Variants in PMEL observed in about 807,000 individuals in gnomAD.
PMEL encodes premelanosome protein, also known as melanocyte protein PMEL.
In PMEL, 53 loss-of-function variants were observed where a neutral mutation model predicts 64.9. That is an observed-to-expected ratio of 0.82 (90% CI 0.66 to 1.03). The LOEUF is 1.03. PMEL is among the 50% of genes least tolerant of loss of function. The pLI is 0.00. For missense variants in PMEL, 716 were observed against 814.9 expected (o/e 0.88, Z 1.48); for synonymous variants, 299 against 316.2 (o/e 0.95, Z 0.58).
Position 55,954,131 on chromosome 12 carries a change from A to G in PMEL, c.*83T>C, listed in dbSNP as rs1225905120. The G allele has an allele frequency of 7.6e-7, 1 of 1,309,242 alleles. No homozygotes were observed. Among genetic ancestry groups the G allele is most frequent in the Non-Finnish European group, 1.1e-6 (1 of 944,374 alleles). The allele number at this position is 1,309,242 out of a possible 1,614,324, so 81.1% of individuals were successfully genotyped here. A position where few individuals can be genotyped will look rare whatever the true frequency, so the allele number is the denominator to read the frequency against. On this transcript the variant is annotated 3_prime_UTR_variant, in exon 11 of 11. Coordinates refer to ENST00000548747, the MANE Select transcript of PMEL (RefSeq NM_001384361.1). ...CAGGCTCTGAGTATTTATTTCAGTT[A>G]ATAGTAGTCTCCCAGGGAAGACTGG...
In PMEL at chr12:55,955,611, G is replaced by A. The variant is rs146965707; in HGVS notation, c.1615C>T (p.Arg539Trp). 3.3e-5 allele frequency: 53 copies of A among 1,613,676 alleles called. No individual in the cohort carries two copies. In the African/African-American group the frequency reaches 3.9e-4, roughly 12 times the overall value. Residue 539 changes from arginine to tryptophan, a missense_variant, in exon 9 of 11, where the codon CGG becomes TGG. Transcript: ENST00000548747. ...SSPGCQPPAQRLCQPVLPSPA... is the reference protein window; with the variant it reads ...SSPGCQPPAQWLCQPVLPSPA... ...CTGGGTAGCACAGGCTGGCACAGCC[G>A]CTGGGCAGGGGGCTGGCACCCTGGC... is the stretch of plus-strand genomic sequence containing the variant.
intron 1 of PMEL, among the ~76,000 whole-genome samples, chr12:55,963,134 G>A (rs1187888116): frequency 6.6e-6 from 1 of 151,480 alleles, no homozygotes; most frequent in Admixed American, 6.6e-5. Context: ...TCCAGCCTGG[G>A]CTACAGAGCA....
At chr12:55,960,433 T>C (rs2136444392) in intron 3 of PMEL, among the ~76,000 whole-genome samples, 1 of 151,644 alleles carries the variant, frequency 6.6e-6, no homozygotes, top group Admixed American at 6.6e-5. Flanking sequence ...TGAAGTACAG[T>C]GGCGTGATCA....
At chr12:55,966,462 T>A (rs1889306281), upstream of PMEL, 1 of 194,112 alleles carries the variant, frequency 5.2e-6, no homozygotes, top group Non-Finnish European at 1.0e-5. Context: ...CCCGGCTTCC[T>A]GGTTTCCAAA....
Position 55,965,789 on chromosome 12 carries a change from A to G in PMEL, c.76+147T>C, listed in dbSNP as rs1413300787. The G allele has an allele frequency of 1.6e-5, 14 of 898,268 alleles. No homozygotes were observed. In the East Asian group the frequency reaches 3.4e-4, roughly 22 times the overall value. 55.6% of individuals were successfully genotyped at this position (898,268 alleles called of 1,614,324 possible). ...ATCCCAAATCTCCATGTAGGGAGGG[A>G]GCCCAGGTGCCCACATCCTCACTAA... On this transcript the variant is annotated intron_variant, in intron 1 of 10. Coordinates refer to ENST00000548747, the MANE Select transcript of PMEL (RefSeq NM_001384361.1).
In PMEL at chr12:55,962,936, G is replaced by A. The variant is rs190785535; in HGVS notation, c.77-1204C>T. Among the ~76,000 whole-genome samples, 1,341 of 152,108 alleles carry A rather than the reference G, an allele frequency of 8.8e-3. 38 individuals carry two copies. Among genetic ancestry groups the A allele is most frequent in the Admixed American group, 0.057 (867 of 15,290 alleles). ...CCAGCACTTTGAGAGGCCGAGGCAGGTGGATCACAAGGTCAGGAGTTCGAG... is the reference window on the plus strand; with the variant it reads ...CCAGCACTTTGAGAGGCCGAGGCAGATGGATCACAAGGTCAGGAGTTCGAG... On this transcript the variant is annotated intron_variant, in intron 1 of 10. Transcript: ENST00000548747.
chr12:55,957,192 T>G lies in PMEL; in HGVS notation c.1111A>C (p.Ser371Arg). ...ACCTTCTCAGGTGTCATACCTGTGC[T>G]CTCTGCAGTTGGCATCTGCACAGGT... is the stretch of plus-strand genomic sequence containing the variant. ...TAPVQMPTAESTGMTPEKVPV... is the reference protein window; with the variant it reads ...TAPVQMPTAERTGMTPEKVPV... The change falls in exon 6 of 11, where the codon AGC becomes CGC. Residue 371 changes from serine to arginine, a missense_variant. By Grantham distance (110) the Ser-to-Arg change is moderately radical. Transcript: ENST00000548747. The G allele has an allele frequency of 1.9e-6, 3 of 1,614,210 alleles. No individual in the cohort carries two copies. Among genetic ancestry groups the G allele is most frequent in the Non-Finnish European group, 2.5e-6 (3 of 1,180,032 alleles).
intron 1 of PMEL, among the ~76,000 whole-genome samples, chr12:55,962,900 C>T (rs1889160182): frequency 6.6e-6 from 1 of 151,544 alleles, no homozygotes; most frequent in Non-Finnish European, 1.5e-5. Flanking sequence ...TGGTGGCTCA[C>T]ATCTGTAATC....
chr12:55,958,425 A>G lies in PMEL; in HGVS notation c.469+48T>C, dbSNP rs765723180. The G allele has an allele frequency of 3.2e-6, 5 of 1,579,296 alleles. No homozygotes were observed. In the Admixed American group the frequency reaches 7.3e-5, roughly 23 times the overall value. ...CCAAAAGAAAGGTGATCAGGTAGAAAGAAGTAAACACAAGTGTGGATGATA... is the reference window on the plus strand; with the variant it reads ...CCAAAAGAAAGGTGATCAGGTAGAAGGAAGTAAACACAAGTGTGGATGATA... On this transcript the variant is annotated intron_variant, in intron 4 of 10. Coordinates refer to ENST00000548747, the MANE Select transcript of PMEL (RefSeq NM_001384361.1).
chr12:55,955,272 A>G lies in PMEL; in HGVS notation c.1850+2T>C, dbSNP rs1397318399. ...GTCTGAGCTGTGTGATGAGGCCCTT[A>G]CCTATATATCAGAGATGCAAGGACC... On this transcript the variant is annotated splice_donor_variant, in intron 10 of 10. Transcript: ENST00000548747. LOFTEE classifies it high-confidence loss of function. 6.3e-7 allele frequency: 1 copy of G among 1,597,174 alleles called. No individual in the cohort carries two copies. The highest frequency in any genetic ancestry group is 8.6e-7 in the Non-Finnish European group (1 of 1,164,632).
rs1592768510 is a variant in PMEL at position 55,958,007 on chromosome 12, T to C, written c.547A>G (p.Thr183Ala). The C allele has an allele frequency of 4.3e-6, 7 of 1,614,102 alleles. No homozygotes were observed. Among genetic ancestry groups the C allele is most frequent in the Non-Finnish European group, 4.2e-6 (5 of 1,180,022 alleles). ...GTGRAMLGTH[T>A]MEVTVYHRRG... ...CGATGGTAGACAGTCACTTCCATGG[T>C]GTGTGTGCCCAGCATTGCCCTGCCT... Residue 183 changes from threonine (T) to alanine (A), a missense_variant, in exon 5 of 11, where the codon ACC (threonine) becomes GCC (alanine). Physicochemically the swap from Thr to Ala is moderately conservative, Grantham distance 58. Coordinates refer to ENST00000548747, the MANE Select transcript of PMEL (RefSeq NM_001384361.1).
intron 1 of PMEL, among the ~76,000 whole-genome samples, chr12:55,962,482 C>A (rs1221839705): frequency 6.8e-6 from 1 of 146,178 alleles, no homozygotes; most frequent in Non-Finnish European, 1.5e-5. Context: ...CACAAAAAAC[C>A]CCTTATTTAT....
chr12:55,966,130 G>A (rs1337335330), upstream of PMEL: 3 of 1,521,270 alleles, frequency 2.0e-6, no homozygotes, highest in South Asian at 3.7e-5. Flanking sequence ...CCTGGGAGGG[G>A]CCGGAGGAGA....
Position 55,957,105 on chromosome 12 carries a change from T to A in PMEL, c.1198A>T (p.Met400Leu). The change falls in exon 6 of 11, where the codon ATG becomes TTG. Residue 400 changes from methionine to leucine, a missense_variant. Transcript: ENST00000548747. ...ACAATTGATACCTCTGCAGGTGTCA[T>A]ACCTGTAGCCTCTGGAGTTGACATC... is the stretch of plus-strand genomic sequence containing the variant. ...AEMSTPEATG[M>L]TPAEVSIVVL... 1 of 1,614,180 alleles carries A rather than the reference T, an allele frequency of 6.2e-7. No homozygotes were observed. Among genetic ancestry groups the A allele is most frequent in the Non-Finnish European group, 8.5e-7 (1 of 1,180,004 alleles).
Position 55,955,540 on chromosome 12 carries a change from C to T in PMEL, c.1686G>A (p.Ser562=), listed in dbSNP as rs143030232. 3.2e-5 allele frequency: 51 copies of T among 1,614,124 alleles called. No homozygotes were observed. The highest frequency in any genetic ancestry group is 5.0e-5 in the Admixed American group (3 of 60,012). ...LVLHQILKGG[S]GTYCLNVSLA... ...GAGACACATTGAGGCAGTATGTCCC[C>T]GAGCCACCCTTCAGTATCTGGTGCA... Residue 562 remains serine, a synonymous_variant, in exon 9 of 11, where the codon TCG becomes TCA. Transcript: ENST00000548747.
chr12:55,956,426 T>A, intron 6 of PMEL: 1 of 521,342 alleles, frequency 1.9e-6, no homozygotes, highest in Non-Finnish European at 3.4e-6. Context: ...GAGTCACAGT[T>A]AGGGGTGGCA....
intron 1 of PMEL, among the ~76,000 whole-genome samples, chr12:55,962,516 CTTTTTTTTTTTTTT>C (rs1161956723): frequency 1.4e-5 from 1 of 73,166 alleles, no homozygotes. Flanking sequence ...TATTATTACT[CTTTTTTTTTTTTTT>C]TTTTTTTTTT....
intron 8 of PMEL, 35 bp downstream of exon 8, chr12:55,955,743 AC>A: frequency 6.2e-7 from 1 of 1,609,690 alleles, no homozygotes; most frequent in Non-Finnish European, 8.5e-7. Context: ...GAAACAGTCA[AC>A]CAAAGAGTTA....
At chr12:55,958,213 G>T in intron 4 of PMEL, 129 bp from the exon 5 acceptor site, 1 of 1,005,906 alleles carries the variant, frequency 9.9e-7, no homozygotes, top group Non-Finnish European at 1.4e-6. Context: ...TGTTTGGAAG[G>T]CTGTGATATG....
Sources: allele counts gnomAD v4.1 joint callset (sites outside exome capture counted in the v4.1 genomes callset), GRCh38; gene constraint gnomAD v4.1.1; transcripts MANE v1.5; gene names NCBI Gene and HGNC (gene_info 2026-07-23, HGNC 2026-07-21).